SPESP1: variants seen among roughly 807,000 people sequenced by gnomAD.
The protein encoded by SPESP1 is sperm equatorial segment protein 1.
A neutral mutation model predicts 3.1 loss-of-function variants in SPESP1; 1 was observed. The observed-to-expected ratio is 0.33, with a 90% CI of 0.12 to 1.54. The LOEUF is 1.54. Among genes scored for constraint, SPESP1 ranks in the 40% most tolerant of loss-of-function variants. The pLI, the probability that SPESP1 is intolerant of heterozygous loss-of-function variation, is 0.38. For synonymous variants in SPESP1, 138 were observed against 150.7 expected, an observed-to-expected ratio of 0.92 and a Z score of 0.62; for missense variants, 398 against 410.1, an observed-to-expected ratio of 0.97 and a Z score of 0.26.
At chr15:68,935,338 G>T (rs965142416) in intron 1 of SPESP1, among the ~76,000 whole-genome samples, 6 of 152,104 alleles carry the variant, frequency 3.9e-5, no homozygotes, top group African/African-American at 1.4e-4. Context: ...AGACTCAGCT[G>T]GGCAGCTCTG....
intron 1 of SPESP1, among the ~76,000 whole-genome samples, chr15:68,944,248 C>T (rs1895901492): frequency 6.6e-6 from 1 of 151,378 alleles, no homozygotes; most frequent in Non-Finnish European, 1.5e-5. Context: ...TTCTGTTCTC[C>T]ACGTTGGAAA....
At chr15:68,935,321 G>T (rs1219636310) in intron 1 of SPESP1, among the ~76,000 whole-genome samples, 1 of 152,126 alleles carries the variant, frequency 6.6e-6, no homozygotes, top group Non-Finnish European at 1.5e-5. Context: ...GATTCTATGG[G>T]TTCACTAGAC....
chr15:68,931,087 CT>C (rs918721250), intron 1 of SPESP1, among the ~76,000 whole-genome samples: 26 of 151,482 alleles, frequency 1.7e-4, no homozygotes, highest in Middle Eastern at 3.4e-3. Flanking sequence ...CATTTTCTTC[CT>C]TTTTTTTTAA....
Position 68,946,421 on chromosome 15 carries a change from T to A in SPESP1, c.887T>A (p.Ile296Asn), listed in dbSNP as rs761965090. The change falls in exon 2 of 2, where the codon ATC becomes AAC. Residue 296 changes from isoleucine to asparagine, a missense_variant. Transcript: ENST00000310673. ...CGAACAAGTAATAAAATTGATGACA[T>A]CGAAACTGTTATTAACATGCTGTGT... ...VGRTSNKIDD[I>N]ETVINMLCNS... is the part of the protein sequence containing the mutation. The A allele has an allele frequency of 6.2e-7, 1 of 1,614,088 alleles. No homozygotes were observed. Among genetic ancestry groups the A allele is most frequent in the African/African-American group, 1.3e-5 (1 of 75,044 alleles).
chr15:68,936,099 A>G (rs188338083), intron 1 of SPESP1, among the ~76,000 whole-genome samples: 1 of 152,280 alleles, frequency 6.6e-6, no homozygotes. Context: ...TTGTTCTCCA[A>G]AGTTATGGAC....
intron 1 of SPESP1, among the ~76,000 whole-genome samples, chr15:68,934,214 TATTATAAG>T (rs2140418453): frequency 6.6e-6 from 1 of 152,246 alleles, no homozygotes; most frequent in South Asian, 2.1e-4. Context: ...TCTAGATTGG[TATTATAAG>T]AAGGCTCAAT....
chr15:68,932,839 C>A lies in SPESP1; in HGVS notation c.64+2122C>A, dbSNP rs116422791. ...TTATAAGACATAAGGAAACTATATACAGGTTGTAATCATAGAAGATGTCTT... is the reference window on the plus strand; with the variant it reads ...TTATAAGACATAAGGAAACTATATAAAGGTTGTAATCATAGAAGATGTCTT... On this transcript the variant is annotated intron_variant, in intron 1 of 1. Transcript: ENST00000310673. 8.8e-3 allele frequency among the ~76,000 whole-genome samples: 1,339 copies of A among 152,298 alleles called. 17 individuals carry two copies. Among genetic ancestry groups the A allele is most frequent in the African/African-American group, 0.029 (1,216 of 41,560 alleles).
chr15:68,933,463 A>C (rs1485564501), intron 1 of SPESP1, among the ~76,000 whole-genome samples: 1 of 152,110 alleles, frequency 6.6e-6, no homozygotes, highest in Non-Finnish European at 1.5e-5. Flanking sequence ...GCCATTTTTA[A>C]ATTTTTGAAT....
At chr15:68,937,203 G>T (rs565971943) in intron 1 of SPESP1, among the ~76,000 whole-genome samples, 3 of 152,168 alleles carry the variant, frequency 2.0e-5, no homozygotes, top group African/African-American at 7.2e-5. Context: ...TACTAGAAGT[G>T]CAATTAATTT....
At chr15:68,944,380 TTAGA>T (rs1391465016) in intron 1 of SPESP1, among the ~76,000 whole-genome samples, 1 of 151,424 alleles carries the variant, frequency 6.6e-6, no homozygotes, top group Non-Finnish European at 1.5e-5. Flanking sequence ...ACTCTCCACA[TTAGA>T]TAGACGCCCC....
intron 1 of SPESP1, among the ~76,000 whole-genome samples, chr15:68,940,666 A>G (rs1434073393): frequency 1.3e-5 from 2 of 151,228 alleles, no homozygotes; most frequent in East Asian, 1.9e-4. Flanking sequence ...TTACACCCCC[A>G]TGGTGTAGTT....
intron 1 of SPESP1, among the ~76,000 whole-genome samples, chr15:68,936,399 G>A (rs1047072182): frequency 1.6e-4 from 25 of 152,274 alleles, no homozygotes; most frequent in Admixed American, 5.2e-4. Context: ...ATGAAGTACC[G>A]ATACATGCTA....
At chr15:68,932,364 C>T (rs1895565797) in intron 1 of SPESP1, among the ~76,000 whole-genome samples, 1 of 148,426 alleles carries the variant, frequency 6.7e-6, no homozygotes, top group Non-Finnish European at 1.5e-5. Context: ...CCATAATTTT[C>T]CCCTCCCCCT....
Position 68,946,121 on chromosome 15 carries a change from CAGA to C in SPESP1, c.591_593del (p.Glu197del), listed in dbSNP as rs765512841. The C allele has an allele frequency of 1.7e-5, 28 of 1,614,064 alleles. No individual in the cohort carries two copies. The highest frequency in any genetic ancestry group is 6.7e-5 in the East Asian group (3 of 44,900). On this transcript the variant is annotated inframe_deletion, in exon 2 of 2. Coordinates refer to ENST00000310673, the MANE Select transcript of SPESP1 (RefSeq NM_145658.4). ...ACTGGCATTGGGATCTCTACAGAAT[CAGA>C]AGATGTTCCTCAGCTCTCAGGTGAA...
chr15:68,946,756 T>C lies in SPESP1; in HGVS notation c.*169T>C, dbSNP rs1221565529. ...CAACATCTTTATGTGTCATGTGTTA[T>C]GAACAATTTTCATATGCACTAAAAA... On this transcript the variant is annotated 3_prime_UTR_variant, in exon 2 of 2. Transcript: ENST00000310673. 1.1e-6 allele frequency: 1 copy of C among 889,096 alleles called. No individual in the cohort carries two copies. The highest frequency in any genetic ancestry group is 1.7e-5 in the African/African-American group (1 of 57,478). The allele number at this position is 889,096 out of a possible 1,614,324, so 55.1% of individuals were successfully genotyped here.
intron 1 of SPESP1, among the ~76,000 whole-genome samples, chr15:68,935,154 A>G (rs1895651147): frequency 6.6e-6 from 1 of 152,232 alleles, no homozygotes; most frequent in South Asian, 2.1e-4. Flanking sequence ...GATTTAAAAT[A>G]ATGAGTTTAT....
At chr15:68,934,295 G>A (rs1401756599) in intron 1 of SPESP1, among the ~76,000 whole-genome samples, 1 of 152,070 alleles carries the variant, frequency 6.6e-6, no homozygotes, top group Non-Finnish European at 1.5e-5. Flanking sequence ...AACCACAGAA[G>A]GTAAGGGAAA....
chr15:68,935,512 A>G (rs1303435018), intron 1 of SPESP1, among the ~76,000 whole-genome samples: 2 of 152,206 alleles, frequency 1.3e-5, no homozygotes, highest in African/African-American at 2.4e-5. Flanking sequence ...GCTTGCTTCC[A>G]AGAAGGAGAT....
At chr15:68,931,029 C>G (rs1330168522) in intron 1 of SPESP1, among the ~76,000 whole-genome samples, 1 of 152,202 alleles carries the variant, frequency 6.6e-6, no homozygotes, top group East Asian at 1.9e-4. Flanking sequence ...GGCGTGTGAC[C>G]GTGCAGGGGT....
Sources: allele counts gnomAD v4.1 joint callset (sites outside exome capture counted in the v4.1 genomes callset), GRCh38; gene constraint gnomAD v4.1.1; transcripts MANE v1.5; gene names NCBI Gene and HGNC (gene_info 2026-07-23, HGNC 2026-07-21).